The following FAM228B variants were observed in gnomAD, a reference collection of about 807,000 sequenced individuals.
FAM228B encodes protein FAM228B.
In FAM228B, 38 loss-of-function variants were observed where a neutral mutation model predicts 42.6. The observed-to-expected ratio is 0.89, with a 90% CI of 0.69 to 1.17. The LOEUF is 1.17. Among genes scored for constraint, FAM228B ranks in the 50% most tolerant of loss-of-function variants. The probability of loss-of-function intolerance (pLI) is 0.00; values close to 1 mark genes in which losing one functional copy is unlikely to be tolerated. For missense variants in FAM228B, 344 were observed against 367.3 expected, an observed-to-expected ratio of 0.94 and a Z score of 0.52; for synonymous variants, 109 against 122.3, an observed-to-expected ratio of 0.89 and a Z score of 0.72.
intron 7 of FAM228B, among the ~76,000 whole-genome samples, chr2:24,151,344 G>A (rs560696670): frequency 1.0e-3 from 156 of 151,216 alleles, no homozygotes; most frequent in Middle Eastern, 6.8e-3. Context: ...TCCATGGAGT[G>A]CAGTGGTGTG....
intron 2 of FAM228B, among the ~76,000 whole-genome samples, chr2:24,133,381 G>A (rs1271847359): frequency 6.6e-6 from 1 of 152,144 alleles, no homozygotes; most frequent in Non-Finnish European, 1.5e-5. Context: ...ACTCATTTGA[G>A]TTTTCTATGC....
At chr2:24,123,973 C>T (rs986161824) in intron 1 of FAM228B, among the ~76,000 whole-genome samples, 3 of 152,158 alleles carry the variant, frequency 2.0e-5, no homozygotes, top group African/African-American at 2.4e-5. Context: ...TTTCTGTGGC[C>T]AGAAAGTTGC....
At chr2:24,138,329 A>G (rs1007548605) in intron 4 of FAM228B, among the ~76,000 whole-genome samples, 2 of 152,086 alleles carry the variant, frequency 1.3e-5, no homozygotes, top group East Asian at 3.9e-4. Context: ...TGTTTTCCCC[A>G]TGTGGTTATT....
chr2:24,083,416 A>G (rs558901609), intron 2 of FAM228B, among the ~76,000 whole-genome samples: 25 of 152,202 alleles, frequency 1.6e-4, no homozygotes, highest in Middle Eastern at 3.4e-3. Flanking sequence ...ACAGATGGAG[A>G]AACTGAGTCC....
intron 3 of FAM228B, among the ~76,000 whole-genome samples, chr2:24,107,925 A>G (rs1449758676): frequency 6.6e-6 from 1 of 152,246 alleles, no homozygotes; most frequent in Non-Finnish European, 1.5e-5. Flanking sequence ...AACCAAAATC[A>G]GAGCTGAACT....
At chr2:24,083,111 A>C (rs760071570) in intron 2 of FAM228B, 1 of 1,613,620 alleles carries the variant, frequency 6.2e-7, no homozygotes, top group Non-Finnish European at 8.5e-7. Flanking sequence ...CAAGTCCCAA[A>C]ATGTTGCTGG....
At chr2:24,127,557 T>C (rs1413445556) in intron 2 of FAM228B, among the ~76,000 whole-genome samples, 3 of 152,226 alleles carry the variant, frequency 2.0e-5, no homozygotes, top group Admixed American at 2.0e-4. Flanking sequence ...TTTTAAATTT[T>C]CATAGCAATG....
chr2:24,157,066 T>G (rs115905316), intron 7 of FAM228B, among the ~76,000 whole-genome samples: 3 of 152,330 alleles, frequency 2.0e-5, no homozygotes, highest in Non-Finnish European at 4.4e-5. Flanking sequence ...ATTTCTATCT[T>G]GATTTCATTG....
intron 7 of FAM228B, among the ~76,000 whole-genome samples, chr2:24,147,691 TATC>T (rs1315435783): frequency 6.6e-6 from 1 of 152,178 alleles, no homozygotes; most frequent in Non-Finnish European, 1.5e-5. Flanking sequence ...TCATCTTTGA[TATC>T]ATGATTTTCA....
chr2:24,168,731 T>C (rs946976262), intron 10 of FAM228B, among the ~76,000 whole-genome samples: 2 of 152,092 alleles, frequency 1.3e-5, no homozygotes, highest in African/African-American at 4.8e-5. Flanking sequence ...AGAGGGAGAT[T>C]TGATGATGCT....
chr2:24,122,608 T>C (rs1666156608), upstream of FAM228B: 1 of 1,003,514 alleles, frequency 1.0e-6, no homozygotes, highest in Non-Finnish European at 1.6e-6. Context: ...GGCATGTGAA[T>C]ACAAATGTCC....
intron 3 of FAM228B, among the ~76,000 whole-genome samples, chr2:24,112,957 T>C (rs534576205): frequency 6.6e-6 from 1 of 152,284 alleles, no homozygotes; most frequent in South Asian, 2.1e-4. Context: ...TTCTTCCAAA[T>C]GCACTTCAAA....
At chr2:24,144,013 A>AT (rs1666829134) in intron 5 of FAM228B, among the ~76,000 whole-genome samples, 2 of 151,770 alleles carry the variant, frequency 1.3e-5, no homozygotes, top group Non-Finnish European at 1.5e-5. Context: ...AAAAAAAAAA[A>AT]TTAGTTTCAG....
At chr2:24,167,581 C>A (rs1232405016) in intron 9 of FAM228B, 46 bp from the exon 10 acceptor site, 1 of 1,550,200 alleles carries the variant, frequency 6.5e-7, no homozygotes, top group Non-Finnish European at 8.7e-7. Flanking sequence ...ACTAATATGG[C>A]CAGTCTCGTA....
At chr2:24,156,780 C>CA (rs1667158797) in intron 7 of FAM228B, among the ~76,000 whole-genome samples, 1 of 142,634 alleles carries the variant, frequency 7.0e-6, no homozygotes, top group African/African-American at 2.6e-5. Flanking sequence ...TTCCGCCCCC[C>CA]CCCCCCCAGC....
At chr2:24,086,932 A>G (rs970854474) in intron 2 of FAM228B, among the ~76,000 whole-genome samples, 2 of 152,206 alleles carry the variant, frequency 1.3e-5, no homozygotes, top group Non-Finnish European at 2.9e-5. Context: ...GCAAAAATCG[A>G]CACTAAAACT....
intron 2 of FAM228B, among the ~76,000 whole-genome samples, chr2:24,127,743 A>G (rs575307258): frequency 3.3e-5 from 5 of 151,118 alleles, no homozygotes; most frequent in Non-Finnish European, 7.4e-5. Context: ...GCTTACTCCA[A>G]CCTCCGCCTC....
chr2:24,146,183 G>A (rs1433452103), intron 5 of FAM228B, among the ~76,000 whole-genome samples: 2 of 152,134 alleles, frequency 1.3e-5, no homozygotes, highest in African/African-American at 2.4e-5. Flanking sequence ...GACCTTTTAA[G>A]CTTGTGGTAG....
At chr2:24,152,711 G>A (rs780849907) in intron 7 of FAM228B, among the ~76,000 whole-genome samples, 11 of 152,166 alleles carry the variant, frequency 7.2e-5, no homozygotes, top group Non-Finnish European at 1.5e-4. Context: ...TACTGGTGCC[G>A]CATTGGGTCA....
Sources: allele counts gnomAD v4.1 joint callset (sites outside exome capture counted in the v4.1 genomes callset), GRCh38; gene constraint gnomAD v4.1.1; transcripts MANE v1.5; gene names NCBI Gene and HGNC (gene_info 2026-07-23, HGNC 2026-07-21).